The following ZNF554 variants were observed in gnomAD, a reference collection of about 807,000 sequenced individuals.
The protein encoded by ZNF554 is zinc finger protein 554.
A neutral mutation model predicts 21.2 loss-of-function variants in ZNF554; 15 were observed. The observed-to-expected ratio is 0.71, with a 90% confidence interval of 0.47 to 1.09. ZNF554 has a LOEUF of 1.09. Among genes scored for constraint, ZNF554 ranks in the 50% least tolerant of loss-of-function variants. The pLI is 0.00. For missense variants in ZNF554, 691 were observed against 662.7 expected, an observed-to-expected ratio of 1.04 and a Z score of -0.47; for synonymous variants, 258 against 251.4, an observed-to-expected ratio of 1.03 and a Z score of -0.25.
chr19:2,829,770 C>T (rs922678274), intron 3 of ZNF554, among the ~76,000 whole-genome samples: 1 of 152,142 alleles, frequency 6.6e-6, no homozygotes, highest in South Asian at 2.1e-4. Context: ...ATGCATTCAG[C>T]ATGTACTACA....
chr19:2,820,997 T>A (rs1001566809), intron 1 of ZNF554, among the ~76,000 whole-genome samples: 1 of 151,648 alleles, frequency 6.6e-6, no homozygotes, highest in Non-Finnish European at 1.5e-5. Flanking sequence ...ACCACCCATG[T>A]TGAGGAATGA....
Position 2,820,067 on chromosome 19 carries a change from C to G in ZNF554, c.-5C>G. 8.3e-7 allele frequency: 1 copy of G among 1,210,276 alleles called. No homozygotes were observed. The highest frequency in any genetic ancestry group is 1.0e-6 in the Non-Finnish European group (1 of 973,892). The allele number at this position is 1,210,276 out of a possible 1,614,324, so 75.0% of individuals were successfully genotyped here. ...GCCCTGTCTGGCGCCTCAGCGCGCG[C>G]CCCGATGGTCACCTGCGCCCACCTG... On this transcript the variant is annotated 5_prime_UTR_variant, in exon 1 of 5. Coordinates refer to ENST00000317243, the MANE Select transcript of ZNF554 (RefSeq NM_001102651.2).
In ZNF554 at chr19:2,822,989, C is replaced by G. The variant is rs774295226; in HGVS notation, c.54-51C>G. On this transcript the variant is annotated intron_variant, in intron 1 of 4. Transcript: ENST00000317243. Reference sequence around the variant, plus strand: ...TTCTCCAGGCCAAGGGCTCTGGGATCTGGGGACTGGCCTGGATCTGGTATT... The same window carrying G: ...TTCTCCAGGCCAAGGGCTCTGGGATGTGGGGACTGGCCTGGATCTGGTATT... The G allele has an allele frequency of 7.6e-6, 12 of 1,581,644 alleles. No homozygotes were observed. In the South Asian group the frequency reaches 1.3e-4, roughly 18 times the overall value.
At position 2,820,098 on chromosome 19, in the gene ZNF554, G is replaced by C. The variant is rs1223173437; in HGVS notation, c.27G>C (p.Arg9=). The part of the protein sequence containing the change: MVTCAHLG[R]RARLPAAQPS... ...TGGTCACCTGCGCCCACCTGGGCCG[G>C]CGCGCGCGGCTCCCGGCAGCTCAGC... Residue 9 remains arginine, a synonymous_variant, in exon 1 of 5, where the codon CGG becomes CGC. Coordinates refer to ENST00000317243, the MANE Select transcript of ZNF554 (RefSeq NM_001102651.2). 4.1e-6 allele frequency: 5 copies of C among 1,217,470 alleles called. No homozygotes were observed. The highest frequency in any genetic ancestry group is 5.1e-6 in the Non-Finnish European group (5 of 978,330). 75.4% of individuals were successfully genotyped at this position (1,217,470 alleles called of 1,614,324 possible). A position where few individuals can be genotyped will look rare whatever the true frequency, so the allele number is the denominator to read the frequency against.
In ZNF554 at chr19:2,822,100, G is replaced by C. The variant is rs2087272250; in HGVS notation, c.54-940G>C. Among the ~76,000 whole-genome samples the C allele has an allele frequency of 1.3e-5, 2 of 152,196 alleles. 1 individual carries two copies. Among genetic ancestry groups the C allele is most frequent in the South Asian group, 4.2e-4 (2 of 4,816 alleles). ...GAGTCTTGCTCCATTGCCCAGGCTG[G>C]AGTGCAGTGGCACAGTCTTGGCTCA... On this transcript the variant is annotated intron_variant, in intron 1 of 4. Transcript: ENST00000317243.
rs2087238988 is a variant in ZNF554 at position 2,819,905 on chromosome 19, G to T, written c.-167G>T. The T allele has an allele frequency of 2.6e-6, 1 of 382,772 alleles. No homozygotes were observed. Among genetic ancestry groups the T allele is most frequent in the Non-Finnish European group, 4.3e-6 (1 of 234,008 alleles). 23.7% of individuals were successfully genotyped at this position (382,772 alleles called of 1,614,324 possible). The stretch of plus-strand genomic sequence containing the variant: ...ACCTCTGCGCGCGTCGGGGTTGGTG[G>T]CGGCGGCTGCGGCGAGTTCCTGAGG... On this transcript the variant is annotated 5_prime_UTR_variant, in exon 1 of 5. Coordinates refer to ENST00000317243, the MANE Select transcript of ZNF554 (RefSeq NM_001102651.2).
chr19:2,820,275 G>T (rs908974856), intron 1 of ZNF554, 151 bp downstream of exon 1: 15 of 712,364 alleles, frequency 2.1e-5, no homozygotes, highest in Non-Finnish European at 9.5e-6. Flanking sequence ...CTCGCCCAGG[G>T]CCCCAACGCC....
In ZNF554 at chr19:2,834,096, C is replaced by T; in HGVS notation, c.861C>T (p.His287=). Residue 287 remains histidine, a synonymous_variant, in exon 5 of 5, where the codon CAC becomes CAT. Coordinates refer to ENST00000317243, the MANE Select transcript of ZNF554 (RefSeq NM_001102651.2). Reference sequence around the variant, plus strand: ...GAAATGCCATCCGCCAGAACAGTCACTTTATTCAACACGGGGGGAAGATGT... The same window carrying T: ...GAAATGCCATCCGCCAGAACAGTCATTTTATTCAACACGGGGGGAAGATGT... The part of the protein sequence containing the change: ...ECGNAIRQNS[H]FIQHGGKMFV... 3 of 1,614,052 alleles carry T rather than the reference C, an allele frequency of 1.9e-6. No individual in the cohort carries two copies. Among genetic ancestry groups the T allele is most frequent in the Non-Finnish European group, 2.5e-6 (3 of 1,180,034 alleles).
At position 2,835,251 on chromosome 19, in the gene ZNF554, T is replaced by C; in HGVS notation, c.*399T>C. Reference sequence around the variant, plus strand: ...ACTTTAGGAGGCCGAGGCGGGTGGATCATGAGGTCAGGAGATCGAGACCAT... The same window carrying C: ...ACTTTAGGAGGCCGAGGCGGGTGGACCATGAGGTCAGGAGATCGAGACCAT... On this transcript the variant is annotated 3_prime_UTR_variant, in exon 5 of 5. Transcript: ENST00000317243. The C allele has an allele frequency of 5.9e-6, 1 of 169,542 alleles. No individual in the cohort carries two copies. Among genetic ancestry groups the C allele is most frequent in the Admixed American group, 5.4e-5 (1 of 18,426 alleles). 10.5% of individuals were successfully genotyped at this position (169,542 alleles called of 1,614,324 possible). A position where few individuals can be genotyped will look rare whatever the true frequency, so the allele number is the denominator to read the frequency against.
chr19:2,828,620 A>T (rs2087368884), intron 3 of ZNF554, among the ~76,000 whole-genome samples: 1 of 151,486 alleles, frequency 6.6e-6, no homozygotes, highest in South Asian at 2.1e-4. Flanking sequence ...GGTTGCAGTG[A>T]GCCAAGATTG....
At position 2,820,684 on chromosome 19, in the gene ZNF554, C is replaced by CTTTTTTTTTTTTTTTTTTT. The variant is rs762586098; in HGVS notation, c.53+576_53+577insTTTTTTTTTTTTTTTTTTT. On this transcript the variant is annotated intron_variant, in intron 1 of 4. Transcript: ENST00000317243. ...TCCTGGTGATAAGACAGCAAGGGTCCTTTTTTTTTTTTTTTTGAGACGGAG... is the reference window on the plus strand; with the variant it reads ...TCCTGGTGATAAGACAGCAAGGGTCCTTTTTTTTTTTTTTTTTTTTTTTTTTTTTTTTTTTGAGACGGAG... 4.7e-4 allele frequency among the ~76,000 whole-genome samples: 49 copies of CTTTTTTTTTTTTTTTTTTT among 103,184 alleles called. 7 individuals are homozygous for CTTTTTTTTTTTTTTTTTTT. Among genetic ancestry groups the CTTTTTTTTTTTTTTTTTTT allele is most frequent in the African/African-American group, 7.3e-4 (19 of 26,110 alleles). The allele number at this position is 103,184 out of a possible 152,430, so 67.7% of individuals were successfully genotyped here.
At chr19:2,826,731 G>A (rs1467848713) in intron 2 of ZNF554, among the ~76,000 whole-genome samples, 2 of 149,834 alleles carry the variant, frequency 1.3e-5, no homozygotes, top group East Asian at 4.0e-4. Flanking sequence ...GCGTGATCTC[G>A]GCTCACTGCA....
chr19:2,830,187 G>A (rs966950068), intron 3 of ZNF554, among the ~76,000 whole-genome samples: 2 of 152,088 alleles, frequency 1.3e-5, no homozygotes, highest in Admixed American at 1.3e-4. Flanking sequence ...TGCCCACCTC[G>A]GCCTCCCAGA....
intron 2 of ZNF554, among the ~76,000 whole-genome samples, chr19:2,826,922 A>G (rs796257869): frequency 5.9e-5 from 9 of 152,258 alleles, no homozygotes; most frequent in African/African-American, 2.2e-4. Flanking sequence ...TCGGCCTCTC[A>G]AAGTGCTGGG....
intron 3 of ZNF554, 35 bp from the exon 4 acceptor site, chr19:2,832,267 TG>T: frequency 6.6e-7 from 1 of 1,519,796 alleles, no homozygotes; most frequent in Non-Finnish European, 8.8e-7. Flanking sequence ...ATCATTATCT[TG>T]TGCTACCTCT....
At position 2,821,487 on chromosome 19, in the gene ZNF554, A is replaced by G. The variant is rs2087263310; in HGVS notation, c.53+1363A>G. The stretch of plus-strand genomic sequence containing the variant: ...CAAGTCTGGAGGCCAGAAGCCCAAC[A>G]TGAAGATGTGGTGGGGCCGTGGTGC... On this transcript the variant is annotated intron_variant, in intron 1 of 4. Transcript: ENST00000317243. The surrounding 1 kb of genome is among the most constrained non-coding windows in gnomAD (Gnocchi z 8.2). Among the ~76,000 whole-genome samples the G allele has an allele frequency of 6.6e-6, 1 of 151,880 alleles. No homozygotes were observed. The highest frequency in any genetic ancestry group is 1.5e-5 in the Non-Finnish European group (1 of 68,024).
chr19:2,822,566 C>T (rs1220759820), intron 1 of ZNF554, among the ~76,000 whole-genome samples: 1 of 152,132 alleles, frequency 6.6e-6, no homozygotes, highest in African/African-American at 2.4e-5. Flanking sequence ...GACCTTCATC[C>T]ATAAAATGGG....
chr19:2,832,181 C>T, intron 3 of ZNF554, 122 bp from the exon 4 acceptor site: 1 of 961,642 alleles, frequency 1.0e-6, no homozygotes, highest in Non-Finnish European at 1.5e-6. Flanking sequence ...CTGCCTCGGC[C>T]TCCCAAATTG....
chr19:2,827,809 T>A, intron 3 of ZNF554, 66 bp downstream of exon 3: 3 of 1,573,918 alleles, frequency 1.9e-6, no homozygotes, highest in Non-Finnish European at 2.6e-6. Flanking sequence ...TAGTCTGTTC[T>A]CACACTGCTA....
Sources: allele counts gnomAD v4.1 joint callset (sites outside exome capture counted in the v4.1 genomes callset), GRCh38; gene constraint gnomAD v4.1.1; non-coding constraint Gnocchi (gnomAD v3.1); transcripts MANE v1.5; gene names NCBI Gene and HGNC (gene_info 2026-07-23, HGNC 2026-07-21).